Variants in AP1AR observed in about 807,000 individuals in gnomAD.
AP1AR encodes adaptor related protein complex 1 associated regulatory protein, also known as AP-1 complex-associated regulatory protein.
A neutral mutation model predicts 46.3 loss-of-function variants in AP1AR; 29 were observed. The ratio of observed to expected loss-of-function variants is 0.63; its 90% confidence interval spans 0.47 to 0.85. The LOEUF (loss-of-function observed/expected upper bound fraction) is 0.85, where lower values mean the gene tolerates loss of function less well. Ranked by LOEUF, AP1AR falls within the 40% of genes least tolerant of loss-of-function variation. The probability of loss-of-function intolerance (pLI) is 0.00; values close to 1 mark genes in which losing one functional copy is unlikely to be tolerated. For synonymous variants in AP1AR, 122 were observed against 122.9 expected (o/e 0.99, Z 0.05); for missense variants, 357 against 356.3 (o/e 1.00, Z -0.02).
At position 112,270,181 on chromosome 4, in the gene AP1AR, A is replaced by ATCTTGCTTTCT. The variant is rs1726893160; in HGVS notation, c.*1772_*1773insTCTTGCTTTCT. 1 of 152,602 alleles carries ATCTTGCTTTCT rather than the reference A, an allele frequency of 6.6e-6. No individual in the cohort carries two copies. The highest frequency in any genetic ancestry group is 2.4e-5 in the African/African-American group (1 of 41,472). The allele number at this position is 152,602 out of a possible 1,614,324, so 9.5% of individuals were successfully genotyped here. On this transcript the variant is annotated 3_prime_UTR_variant, in exon 10 of 10. Transcript: ENST00000274000. ...AATTAAGAAAGCAAGATGGAACTAG[A>ATCTTGCTTTCT]AAATGTGTTTTAACTGTTAAAAAAA...
At chr4:112,235,569 A>T (rs1390900663) in intron 1 of AP1AR, among the ~76,000 whole-genome samples, 1 of 152,124 alleles carries the variant, frequency 6.6e-6, no homozygotes, top group Admixed American at 6.5e-5. Flanking sequence ...AGTACTTTAT[A>T]TTATCTCACT....
intron 4 of AP1AR, among the ~76,000 whole-genome samples, chr4:112,259,580 G>A (rs2110487060): frequency 6.6e-6 from 1 of 152,288 alleles, no homozygotes; most frequent in East Asian, 1.9e-4. Context: ...AAAAAAGAGG[G>A]AGCAGTAGCT....
chr4:112,260,314 T>A (rs1726385434), intron 4 of AP1AR, among the ~76,000 whole-genome samples: 1 of 152,176 alleles, frequency 6.6e-6, no homozygotes, highest in Non-Finnish European at 1.5e-5. Context: ...ATGAAGGGCC[T>A]GGGGAAGCCA....
At chr4:112,259,888 C>T (rs1726365934) in intron 4 of AP1AR, among the ~76,000 whole-genome samples, 1 of 151,978 alleles carries the variant, frequency 6.6e-6, no homozygotes, top group South Asian at 2.1e-4. Context: ...GTGGGGGTTG[C>T]CACAAAGTTG....
intron 3 of AP1AR, among the ~76,000 whole-genome samples, chr4:112,255,840 C>T (rs1332672668): frequency 6.6e-6 from 1 of 152,150 alleles, no homozygotes; most frequent in African/African-American, 2.4e-5. Flanking sequence ...CTTATGCATT[C>T]GTATAGTTAG....
intron 5 of AP1AR, 125 bp from the exon 6 acceptor site, chr4:112,262,863 G>A (rs1726513211): frequency 4.3e-6 from 3 of 695,008 alleles, no homozygotes; most frequent in Non-Finnish European, 7.5e-6. Context: ...ATTCTGTTAT[G>A]CTTTGTAGAG....
intron 3 of AP1AR, 115 bp from the exon 4 acceptor site, chr4:112,257,657 C>A: frequency 2.7e-6 from 2 of 727,568 alleles, no homozygotes; most frequent in Non-Finnish European, 4.3e-6. Flanking sequence ...TGTATTTACT[C>A]TGATAAAAAA....
chr4:112,249,370 A>AG (rs1553924996), intron 1 of AP1AR, among the ~76,000 whole-genome samples: 2 of 150,602 alleles, frequency 1.3e-5, no homozygotes, highest in African/African-American at 4.9e-5. Context: ...AAAAAAAAAA[A>AG]ATGTATAGGC....
chr4:112,263,032 A>G lies in AP1AR; in HGVS notation c.327A>G (p.Leu109=), dbSNP rs1726521589. The change falls in exon 6 of 10, where the codon TTA becomes TTG. Residue 109 remains leucine (L), a synonymous_variant. Coordinates refer to ENST00000274000, the MANE Select transcript of AP1AR (RefSeq NM_018569.6). ...EEKLRLEEEA[L]YAAQREAARA... ...AGTTAAGACTAGAAGAAGAAGCTTT[A>G]TACGCTGCACAGCGTGAAGCAGCCA... 6.2e-6 allele frequency: 10 copies of G among 1,613,948 alleles called. No individual in the cohort carries two copies. The highest frequency in any genetic ancestry group is 1.1e-5 in the South Asian group (1 of 91,060).
rs571871298 is a variant in AP1AR at position 112,272,298 on chromosome 4, C to G, written c.*3889C>G. Among the ~76,000 whole-genome samples, 4 of 152,224 alleles carry G rather than the reference C, an allele frequency of 2.6e-5. No individual in the cohort carries two copies. The East Asian group carries it at 7.7e-4, about 29-fold the overall frequency. ...GGGCTGGTGACAGGGAAGGGAAAAT[C>G]TAACAGGAGACATCTTGAGCTCATG... On this transcript the variant is annotated 3_prime_UTR_variant, in exon 10 of 10. Transcript: ENST00000274000.
chr4:112,256,128 A>G (rs994886297), intron 3 of AP1AR, among the ~76,000 whole-genome samples: 5 of 152,184 alleles, frequency 3.3e-5, no homozygotes, highest in African/African-American at 7.2e-5. Context: ...GAGATAAACT[A>G]TTGTTAAACT....
rs1726680123 is a variant in AP1AR, at chr4:112,265,815, T to A, written c.514+8T>A. 1 of 1,570,654 alleles carries A rather than the reference T, an allele frequency of 6.4e-7. No homozygotes were observed. The highest frequency in any genetic ancestry group is 8.7e-7 in the Non-Finnish European group (1 of 1,144,126). Reference sequence around the variant, plus strand: ...AAGTTTTTCGAAGTAGTAGTAAGTTTTTTAAAGTATTTTCTGTACTTTTTA... The same window carrying A: ...AAGTTTTTCGAAGTAGTAGTAAGTTATTTAAAGTATTTTCTGTACTTTTTA... On this transcript the variant is annotated splice_region_variant and intron_variant, in intron 8 of 9. Transcript: ENST00000274000.
chr4:112,233,064 C>G lies in AP1AR; in HGVS notation c.83+890C>G, dbSNP rs547443181. On this transcript the variant is annotated intron_variant, in intron 1 of 9. Coordinates refer to ENST00000274000, the MANE Select transcript of AP1AR (RefSeq NM_018569.6). The stretch of plus-strand genomic sequence containing the variant: ...GGAATTCAAACCTAGAATTGAAAAT[C>G]TGAACCAAGCCAGTTTGTGTAAGGA... Among the ~76,000 whole-genome samples the G allele has an allele frequency of 7.9e-5, 12 of 152,304 alleles. No homozygotes were observed. The South Asian group carries it at 2.5e-3, about 32-fold the overall frequency.
At chr4:112,246,632 T>C (rs1021991019) in intron 1 of AP1AR, among the ~76,000 whole-genome samples, 4 of 152,234 alleles carry the variant, frequency 2.6e-5, no homozygotes, top group African/African-American at 9.6e-5. Context: ...TAATTTAAAA[T>C]GGGAAATGTA....
chr4:112,266,971 A>G (rs774009103), intron 9 of AP1AR: 2 of 315,682 alleles, frequency 6.3e-6, no homozygotes, highest in African/African-American at 2.2e-5. Context: ...ATCCAAGCCC[A>G]TGACATTACT....
intron 1 of AP1AR, among the ~76,000 whole-genome samples, chr4:112,245,924 T>A (rs185638253): frequency 6.6e-5 from 10 of 152,308 alleles, no homozygotes; most frequent in Admixed American, 2.0e-4. Context: ...ATATTGCTGC[T>A]TTTGCTCATT....
intron 1 of AP1AR, among the ~76,000 whole-genome samples, chr4:112,244,062 C>G (rs1453762720): frequency 2.0e-5 from 3 of 151,920 alleles, no homozygotes; most frequent in African/African-American, 7.3e-5. Context: ...ATAAAATTAC[C>G]TTTTAAGATA....
chr4:112,240,542 A>G lies in AP1AR; in HGVS notation c.83+8368A>G, dbSNP rs1725447177. ...CCCAGCTCTCAGTTAAGTGCCTAGTACATATTACATGTTCAGTAAATACTT... is the reference window on the plus strand; with the variant it reads ...CCCAGCTCTCAGTTAAGTGCCTAGTGCATATTACATGTTCAGTAAATACTT... On this transcript the variant is annotated intron_variant, in intron 1 of 9. Transcript: ENST00000274000. Among the ~76,000 whole-genome samples the G allele has an allele frequency of 2.0e-5, 3 of 152,250 alleles. No individual in the cohort carries two copies. In the South Asian group the frequency reaches 6.2e-4, roughly 31 times the overall value.
intron 4 of AP1AR, 45 bp downstream of exon 4, chr4:112,257,842 G>C: frequency 2.0e-6 from 3 of 1,485,352 alleles, no homozygotes; most frequent in Non-Finnish European, 2.7e-6. Flanking sequence ...TATGCAAACT[G>C]TAAGAAAACT....
Sources: allele counts gnomAD v4.1 joint callset (sites outside exome capture counted in the v4.1 genomes callset), GRCh38; gene constraint gnomAD v4.1.1; transcripts MANE v1.5; gene names NCBI Gene and HGNC (gene_info 2026-07-23, HGNC 2026-07-21).